ITGA11: variants seen among roughly 807,000 people sequenced by gnomAD.
The protein encoded by ITGA11 is integrin alpha-11.
ITGA11 carries 97 observed loss-of-function variants against 141.9 expected under a neutral mutation model. That is an observed-to-expected ratio of 0.68 (90% CI 0.58 to 0.81). The LOEUF (loss-of-function observed/expected upper bound fraction) is 0.81, where lower values mean the gene tolerates loss of function less well. Ranked by LOEUF, ITGA11 falls within the 30% of genes least tolerant of loss-of-function variation. ITGA11 has a pLI of 0.00. For synonymous variants in ITGA11, 658 were observed against 624.6 expected (o/e 1.05, Z -0.80); for missense variants, 1,387 against 1,559.2 (o/e 0.89, Z 1.86).
At chr15:68,421,738 G>A (rs1897023097) in intron 1 of ITGA11, among the ~76,000 whole-genome samples, 1 of 152,076 alleles carries the variant, frequency 6.6e-6, no homozygotes, top group Admixed American at 6.5e-5. Flanking sequence ...GGTTTCAGAT[G>A]GGCTAGAATG....
At chr15:68,388,588 T>C (rs1194076684) in intron 2 of ITGA11, among the ~76,000 whole-genome samples, 2 of 152,192 alleles carry the variant, frequency 1.3e-5, no homozygotes, top group East Asian at 3.9e-4. Flanking sequence ...TATTCACCAT[T>C]GAGTTTCCAG....
At chr15:68,334,204 T>G (rs964691) in intron 12 of ITGA11, among the ~76,000 whole-genome samples, 1 of 152,202 alleles carries the variant, frequency 6.6e-6, no homozygotes, top group East Asian at 1.9e-4. Context: ...GGTACCTAAT[T>G]AATGCTTATT....
chr15:68,385,658 T>C lies in ITGA11; in HGVS notation c.165-16374A>G, dbSNP rs550511734. Reference sequence around the variant, plus strand: ...TCTTGAGACATGAGATCTGCGATGGTGGGTGAACTGACCCTTGGGTAGTTT... The same window carrying C: ...TCTTGAGACATGAGATCTGCGATGGCGGGTGAACTGACCCTTGGGTAGTTT... On this transcript the variant is annotated intron_variant, in intron 2 of 29. Transcript: ENST00000315757. Among the ~76,000 whole-genome samples, 4 of 152,336 alleles carry C rather than the reference T, an allele frequency of 2.6e-5. No individual in the cohort carries two copies. The East Asian group carries it at 7.7e-4, about 29-fold the overall frequency.
At chr15:68,409,079 A>G (rs1326068821) in intron 1 of ITGA11, among the ~76,000 whole-genome samples, 1 of 152,208 alleles carries the variant, frequency 6.6e-6, no homozygotes, top group East Asian at 1.9e-4. Flanking sequence ...CTGGATCAAG[A>G]TGCCCTGGTT....
chr15:68,351,161 G>C (rs1342258768), intron 8 of ITGA11, 97 bp downstream of exon 8: 1 of 1,349,174 alleles, frequency 7.4e-7, no homozygotes, highest in Non-Finnish European at 1.0e-6. Flanking sequence ...CTGGACACTT[G>C]TGATACTGCC....
chr15:68,357,306 G>A lies in ITGA11; in HGVS notation c.601-7C>T, dbSNP rs370921973. The A allele has an allele frequency of 2.5e-5, 40 of 1,608,770 alleles. No homozygotes were observed. In the African/African-American group the frequency reaches 4.4e-4, roughly 18 times the overall value. On this transcript the variant is annotated splice_region_variant and splice_polypyrimidine_tract_variant and intron_variant, in intron 6 of 29. Transcript: ENST00000315757. ...CATACTGCACAACTCCAACCTGCAAGGGAGAGGAGAGGGCAACAGAACATT... is the reference window on the plus strand; with the variant it reads ...CATACTGCACAACTCCAACCTGCAAAGGAGAGGAGAGGGCAACAGAACATT...
chr15:68,338,861 C>A (rs182241684), intron 11 of ITGA11, among the ~76,000 whole-genome samples: 9 of 152,310 alleles, frequency 5.9e-5, no homozygotes, highest in African/African-American at 2.2e-4. Flanking sequence ...TGAACATCAC[C>A]CCCCTTGCCG....
At chr15:68,357,536 C>T (rs910899035) in intron 6 of ITGA11, among the ~76,000 whole-genome samples, 16 of 152,068 alleles carry the variant, frequency 1.1e-4, no homozygotes, top group Non-Finnish European at 1.6e-4. Flanking sequence ...ATGGAGACTT[C>T]GTGATTGAAA....
rs199548438 is a variant in ITGA11 at position 68,311,011 on chromosome 15, G to T, written c.3157C>A (p.Arg1053Ser). The T allele has an allele frequency of 4.4e-6, 7 of 1,604,242 alleles. No homozygotes were observed. Among genetic ancestry groups the T allele is most frequent in the Non-Finnish European group, 6.0e-6 (7 of 1,175,236 alleles). Residue 1053 changes from arginine to serine, a missense_variant, in exon 26 of 30, where the codon CGT becomes AGT. Arg to Ser is a moderately radical substitution (Grantham distance 110). Transcript: ENST00000315757. ...YRPTPVEEDLRRAPQLNHSNS... is the reference protein window; with the variant it reads ...YRPTPVEEDLSRAPQLNHSNS... ...ACACTCACCAGCTGTGGAGCACGAC[G>T]CAAGTCTTCCTCCACTGGGGTGGGC...
At chr15:68,346,855 G>A (rs748891) in intron 10 of ITGA11, among the ~76,000 whole-genome samples, 67,852 of 151,956 alleles carry the variant, frequency 0.45, 15,672 homozygotes, top group Middle Eastern at 0.66. Context: ...TTAGACATGT[G>A]CATGTCTCCC....
intron 14 of ITGA11, 53 bp from the exon 15 acceptor site, chr15:68,331,164 C>A: frequency 4.3e-6 from 4 of 924,024 alleles, no homozygotes; most frequent in East Asian, 3.9e-5. Flanking sequence ...AGTGTGGGGG[C>A]GGGCGTCCCC....
intron 7 of ITGA11, among the ~76,000 whole-genome samples, chr15:68,351,894 C>T (rs1894922677): frequency 6.6e-6 from 1 of 152,036 alleles, no homozygotes; most frequent in Admixed American, 6.5e-5. Flanking sequence ...ACTAGCCTGA[C>T]TAACATGTCG....
Position 68,320,299 on chromosome 15 carries a change from T to C in ITGA11, c.2502A>G (p.Thr834=), listed in dbSNP as rs778234966. The part of the protein sequence containing the change: ...FDTTVFIIES[T]RQRVAVEATL... ...TGGCCTCCACCGCCACTCGCTGGCGTGTGCTCTCTATGATGAAGACTGTGG... is the reference window on the plus strand; with the variant it reads ...TGGCCTCCACCGCCACTCGCTGGCGCGTGCTCTCTATGATGAAGACTGTGG... Residue 834 remains threonine (T), a synonymous_variant, in exon 20 of 30, where the codon ACA becomes ACG. Transcript: ENST00000315757. 7 of 1,613,816 alleles carry C rather than the reference T, an allele frequency of 4.3e-6. No individual in the cohort carries two copies. Among genetic ancestry groups the C allele is most frequent in the African/African-American group, 4.0e-5 (3 of 74,922 alleles).
Position 68,355,454 on chromosome 15 carries a change from TC to T in ITGA11, c.749+1696del, listed in dbSNP as rs201856253. Among the ~76,000 whole-genome samples, 279 of 152,034 alleles carry T rather than the reference TC, an allele frequency of 1.8e-3. 1 individual carries two copies. The highest frequency in any genetic ancestry group is 6.5e-3 in the African/African-American group (268 of 41,408). The stretch of plus-strand genomic sequence containing the variant: ...CTAAATAGTTCTTTTTTTCTTTTTT[TC>T]TTTTTTTTTTGAGACAGGGTCTGGC... On this transcript the variant is annotated intron_variant, in intron 7 of 29. Coordinates refer to ENST00000315757, the MANE Select transcript of ITGA11 (RefSeq NM_001004439.2).
At chr15:68,410,295 C>A (rs1281943380) in intron 1 of ITGA11, among the ~76,000 whole-genome samples, 1 of 152,218 alleles carries the variant, frequency 6.6e-6, no homozygotes, top group Non-Finnish European at 1.5e-5. Context: ...TGCAGATGCA[C>A]CTGTGTAAGC....
chr15:68,382,956 A>T (rs1289808196), intron 2 of ITGA11, among the ~76,000 whole-genome samples: 1 of 152,212 alleles, frequency 6.6e-6, no homozygotes, highest in Non-Finnish European at 1.5e-5. Context: ...TGAAAAAGAA[A>T]AGCTATTTGA....
intron 11 of ITGA11, among the ~76,000 whole-genome samples, chr15:68,337,103 G>A (rs1278644226): frequency 2.0e-5 from 3 of 152,158 alleles, no homozygotes; most frequent in Non-Finnish European, 4.4e-5. Flanking sequence ...AGCCCTCAGT[G>A]GCACTACTGT....
chr15:68,331,616 G>T lies in ITGA11; in HGVS notation c.1770+243C>A, dbSNP rs189587555. 5.7e-4 allele frequency among the ~76,000 whole-genome samples: 86 copies of T among 152,056 alleles called. No homozygotes were observed. In the East Asian group the frequency reaches 7.4e-3, roughly 13 times the overall value. On this transcript the variant is annotated intron_variant, in intron 14 of 29. Transcript: ENST00000315757. ...TGCCAGGGACTTCTTGTTGTTTGTT[G>T]TTGGGGGAGGATGAGGGTAAGCAGG...
chr15:68,424,120 T>G (rs1341459610), intron 1 of ITGA11, among the ~76,000 whole-genome samples: 1 of 152,236 alleles, frequency 6.6e-6, no homozygotes, highest in African/African-American at 2.4e-5. Flanking sequence ...AGGGATCAAG[T>G]AGCTTATGCC....
Sources: gnomAD v4.1 joint callset for allele counts (sites outside exome capture counted in the v4.1 genomes callset) on GRCh38, gnomAD v4.1.1 for gene constraint, MANE v1.5 for transcripts, NCBI Gene and HGNC (gene_info 2026-07-23, HGNC 2026-07-21) for gene names.